The following NAALADL2 variants were observed in gnomAD, a reference collection of about 807,000 sequenced individuals.
The protein encoded by NAALADL2 is N-acetylated alpha-linked acidic dipeptidase like 2, also known as inactive N-acetylated-alpha-linked acidic dipeptidase-like protein 2.
A neutral mutation model predicts 87.2 loss-of-function variants in NAALADL2; 76 were observed. That is an observed-to-expected ratio of 0.87 (90% CI 0.72 to 1.05). The LOEUF is 1.05. NAALADL2 is among the 50% of genes least tolerant of loss of function. NAALADL2 has a pLI of 0.00. For synonymous variants in NAALADL2, 354 were observed against 331.0 expected, an observed-to-expected ratio of 1.07 and a Z score of -0.75; for missense variants, 1,089 against 945.8, an observed-to-expected ratio of 1.15 and a Z score of -1.99.
At chr3:174,942,579 C>T (rs1378963206) in intron 1 of NAALADL2, among the ~76,000 whole-genome samples, 1 of 152,058 alleles carries the variant, frequency 6.6e-6, no homozygotes, top group Non-Finnish European at 1.5e-5. Flanking sequence ...CTGTTGGGCT[C>T]TATAGCAAGG....
chr3:174,829,385 G>A (rs547234218), intron 3 of NAALADL2, among the ~76,000 whole-genome samples: 102 of 149,492 alleles, frequency 6.8e-4, no homozygotes, highest in African/African-American at 2.4e-3. Flanking sequence ...TTGTTCTTGC[G>A]ATAGTTTACT....
intron 13 of NAALADL2, among the ~76,000 whole-genome samples, chr3:175,802,115 ACATTT>A (rs1339881033): frequency 6.6e-6 from 1 of 150,958 alleles, no homozygotes; most frequent in Admixed American, 6.6e-5. Context: ...AGACATAATA[ACATTT>A]CATTTGCAAA....
intron 1 of NAALADL2, among the ~76,000 whole-genome samples, chr3:174,501,693 T>A (rs909142293): frequency 1.2e-4 from 18 of 152,158 alleles, no homozygotes; most frequent in African/African-American, 4.3e-4. Flanking sequence ...CTTAAAATTT[T>A]TCATAATATT....
chr3:174,614,618 T>C (rs551391450), intron 2 of NAALADL2, among the ~76,000 whole-genome samples: 6 of 152,318 alleles, frequency 3.9e-5, no homozygotes, highest in African/African-American at 1.4e-4. Flanking sequence ...TCCTACCTCC[T>C]AAGTACCTCT....
At chr3:174,958,510 T>C (rs1741480341) in intron 1 of NAALADL2, among the ~76,000 whole-genome samples, 1 of 152,020 alleles carries the variant, frequency 6.6e-6, no homozygotes, top group South Asian at 2.1e-4. Flanking sequence ...ACTCTATTAC[T>C]CCAATAGTTA....
intron 3 of NAALADL2, among the ~76,000 whole-genome samples, chr3:174,849,060 A>G (rs905937987): frequency 3.9e-5 from 6 of 152,158 alleles, no homozygotes; most frequent in South Asian, 2.1e-4. Flanking sequence ...GAAATGGTAC[A>G]TCTCTGTAGG....
chr3:175,290,351 A>G (rs2110137850), intron 4 of NAALADL2, among the ~76,000 whole-genome samples: 1 of 152,364 alleles, frequency 6.6e-6, no homozygotes, highest in African/African-American at 2.4e-5. Flanking sequence ...CCAAAAGAGT[A>G]CATACTTTAT....
intron 3 of NAALADL2, among the ~76,000 whole-genome samples, chr3:174,828,933 A>C (rs1374342802): frequency 6.6e-6 from 1 of 152,174 alleles, no homozygotes; most frequent in East Asian, 1.9e-4. Context: ...TACTTCAAAA[A>C]TTGTGTATTA....
At chr3:174,710,083 G>T (rs896771153) in intron 2 of NAALADL2, among the ~76,000 whole-genome samples, 1 of 152,034 alleles carries the variant, frequency 6.6e-6, no homozygotes, top group Non-Finnish European at 1.5e-5. Flanking sequence ...CTTAGTCCTC[G>T]GTGTATACTG....
At chr3:175,337,925 A>G (rs1305764610) in intron 5 of NAALADL2, among the ~76,000 whole-genome samples, 2 of 152,206 alleles carry the variant, frequency 1.3e-5, no homozygotes, top group African/African-American at 2.4e-5. Context: ...TGGACAAGTT[A>G]GTATAACGAG....
intron 2 of NAALADL2, among the ~76,000 whole-genome samples, chr3:175,174,561 A>G (rs1312364059): frequency 1.3e-5 from 2 of 152,108 alleles, no homozygotes; most frequent in African/African-American, 4.8e-5. Context: ...CTAAAATAGA[A>G]CAAAGACAAA....
chr3:175,155,293 G>C (rs1248132353), intron 2 of NAALADL2, among the ~76,000 whole-genome samples: 5 of 152,170 alleles, frequency 3.3e-5, no homozygotes, highest in South Asian at 2.1e-4. Context: ...TTCCTTGCTA[G>C]TGAGTACCTG....
At chr3:174,923,571 G>A (rs942128657) in intron 1 of NAALADL2, among the ~76,000 whole-genome samples, 2 of 152,088 alleles carry the variant, frequency 1.3e-5, no homozygotes, top group African/African-American at 4.8e-5. Flanking sequence ...GATTTGCATA[G>A]TATCTTTGAT....
intron 2 of NAALADL2, among the ~76,000 whole-genome samples, chr3:175,103,101 C>T (rs1176566056): frequency 7.7e-5 from 7 of 90,698 alleles, no homozygotes; most frequent in South Asian, 3.2e-4. Context: ...AGCGAGACTC[C>T]GTCTCAAAAA....
intron 2 of NAALADL2, among the ~76,000 whole-genome samples, chr3:174,562,669 A>G (rs1319394113): frequency 6.6e-6 from 1 of 152,128 alleles, no homozygotes; most frequent in African/African-American, 2.4e-5. Context: ...ATTGTAGTCT[A>G]TGTAAATATT....
At chr3:174,882,425 TTGTG>T (rs72490338) in intron 1 of NAALADL2, among the ~76,000 whole-genome samples, 1 of 149,264 alleles carries the variant, frequency 6.7e-6, no homozygotes, top group Non-Finnish European at 1.5e-5. Context: ...TGTATGTGTG[TTGTG>T]TGTGTGTGTA....
intron 3 of NAALADL2, among the ~76,000 whole-genome samples, chr3:175,249,564 G>A (rs544364549): frequency 2.2e-4 from 33 of 151,650 alleles, no homozygotes; most frequent in African/African-American, 4.1e-4. Context: ...TCTCACATAC[G>A]TCACATATAT....
At chr3:175,698,339 ATGTATGTGTATT>A (rs1738329593) in intron 11 of NAALADL2, among the ~76,000 whole-genome samples, 5 of 107,784 alleles carry the variant, frequency 4.6e-5, no homozygotes, top group Non-Finnish European at 6.9e-5. Context: ...ATGTGTATAT[ATGTATGTGTATT>A]TATGTATGTG....
rs980232561 is a variant in NAALADL2 at position 175,410,816 on chromosome 3, G to A, written c.1091-36413G>A. Among the ~76,000 whole-genome samples the A allele has an allele frequency of 4.6e-5, 7 of 152,168 alleles. No individual in the cohort carries two copies. In the South Asian group the frequency reaches 6.2e-4, roughly 14 times the overall value. On this transcript the variant is annotated intron_variant, in intron 5 of 13. Transcript: ENST00000454872. ...CAGGTGGTTCAGATTTACAGTGAGC[G>A]GCATAGGTTACGATGCTGTGAAAGA...
Sources: gnomAD v4.1 joint callset for allele counts (sites outside exome capture counted in the v4.1 genomes callset) on GRCh38, gnomAD v4.1.1 for gene constraint, MANE v1.5 for transcripts, NCBI Gene and HGNC (gene_info 2026-07-23, HGNC 2026-07-21) for gene names.